Variants in KCNK2 observed in about 807,000 individuals in gnomAD.
KCNK2 encodes the protein potassium two pore domain channel subfamily K member 2, also known as potassium channel subfamily K member 2.
A neutral mutation model predicts 40.5 loss-of-function variants in KCNK2; 21 were observed. The ratio of observed to expected loss-of-function variants is 0.52; its 90% CI spans 0.37 to 0.75. The LOEUF (loss-of-function observed/expected upper bound fraction) is 0.75, where lower values mean the gene tolerates loss of function less well. KCNK2 is among the 30% of genes least tolerant of loss of function. The pLI is 0.00. For synonymous variants in KCNK2, 191 were observed against 202.2 expected (o/e 0.94, Z 0.47); for missense variants, 399 against 531.6 (o/e 0.75, Z 2.45).
chr1:215,026,229 T>C (rs1417946725), intron 1 of KCNK2, among the ~76,000 whole-genome samples: 1 of 152,024 alleles, frequency 6.6e-6, no homozygotes, highest in Non-Finnish European at 1.5e-5. Flanking sequence ...TAAAGCTCTC[T>C]TCATATAATT....
chr1:215,086,702 A>C, intron 2 of KCNK2, 24 bp downstream of exon 2: 1 of 1,593,798 alleles, frequency 6.3e-7, no homozygotes, highest in South Asian at 1.1e-5. Flanking sequence ...AGGAGTTGTT[A>C]CTCTGTTCCC....
chr1:215,035,000 AC>A (rs1657334787), intron 1 of KCNK2, among the ~76,000 whole-genome samples: 1 of 152,022 alleles, frequency 6.6e-6, no homozygotes, highest in South Asian at 2.1e-4. Flanking sequence ...GGCTTCCATT[AC>A]CTACAATTTA....
At chr1:215,034,131 A>C (rs1657301470) in intron 1 of KCNK2, among the ~76,000 whole-genome samples, 1 of 152,184 alleles carries the variant, frequency 6.6e-6, no homozygotes. Flanking sequence ...TGATGGATCT[A>C]AAAAGAGTTG....
At chr1:215,069,250 G>A (rs767258635) in intron 1 of KCNK2, among the ~76,000 whole-genome samples, 14 of 152,232 alleles carry the variant, frequency 9.2e-5, no homozygotes, top group South Asian at 2.1e-4. Context: ...TTTGTTGGCC[G>A]CATCCTGGTA....
intron 6 of KCNK2, among the ~76,000 whole-genome samples, chr1:215,195,522 T>G (rs1416802916): frequency 1.3e-5 from 2 of 152,110 alleles, no homozygotes; most frequent in Non-Finnish European, 2.9e-5. Context: ...TAACTTATTT[T>G]ATTTTTCTTA....
intron 3 of KCNK2, among the ~76,000 whole-genome samples, chr1:215,157,227 T>G (rs1044339866): frequency 6.6e-6 from 1 of 152,186 alleles, no homozygotes; most frequent in Admixed American, 6.5e-5. Flanking sequence ...ACCATTATAC[T>G]GAGCTTTAAG....
chr1:215,208,507 A>G (rs1268912715), intron 6 of KCNK2, among the ~76,000 whole-genome samples: 1 of 152,174 alleles, frequency 6.6e-6, no homozygotes, highest in Non-Finnish European at 1.5e-5. Flanking sequence ...TCCTAAAATA[A>G]AAGTTTAAAA....
intron 2 of KCNK2, among the ~76,000 whole-genome samples, chr1:215,099,080 T>TG (rs1468633170): frequency 6.6e-6 from 1 of 151,970 alleles, no homozygotes; most frequent in Non-Finnish European, 1.5e-5. Flanking sequence ...ACTTACATCA[T>TG]GGGTGTTTGT....
At chr1:215,114,339 G>C (rs1660829325) in intron 2 of KCNK2, among the ~76,000 whole-genome samples, 1 of 152,136 alleles carries the variant, frequency 6.6e-6, no homozygotes, top group South Asian at 2.1e-4. Context: ...GATGGTTGTG[G>C]TGTGACACTC....
chr1:215,144,500 G>A (rs866648102), intron 3 of KCNK2, among the ~76,000 whole-genome samples: 1 of 152,028 alleles, frequency 6.6e-6, no homozygotes, highest in African/African-American at 2.4e-5. Context: ...GTCAAGGCAC[G>A]GCTCGTTCCT....
chr1:215,083,513 C>T (rs1450612665), intron 1 of KCNK2, 82 bp downstream of exon 1: 13 of 994,512 alleles, frequency 1.3e-5, no homozygotes, highest in Admixed American at 1.7e-5. Flanking sequence ...CTGCAAATGC[C>T]CCCTCTCAGC....
intron 3 of KCNK2, among the ~76,000 whole-genome samples, chr1:215,133,039 T>G (rs1287901647): frequency 1.3e-5 from 2 of 152,102 alleles, no homozygotes; most frequent in African/African-American, 4.8e-5. Flanking sequence ...TTGTTTTGGG[T>G]TTTTTTGTTT....
chr1:215,231,771 T>G (rs796663496), intron 6 of KCNK2, among the ~76,000 whole-genome samples: 4 of 152,212 alleles, frequency 2.6e-5, no homozygotes, highest in African/African-American at 9.6e-5. Context: ...AAGAAAGAGA[T>G]TTAATGGACT....
chr1:215,153,578 ATAT>A (rs967567174), intron 3 of KCNK2, among the ~76,000 whole-genome samples: 33 of 143,440 alleles, frequency 2.3e-4, no homozygotes, highest in Non-Finnish European at 3.6e-4. Flanking sequence ...ATATATATAT[ATAT>A]TTTTTTTTCT....
chr1:215,181,755 G>A, intron 5 of KCNK2, among the ~76,000 whole-genome samples: 1 of 152,178 alleles, frequency 6.6e-6, no homozygotes, highest in East Asian at 1.9e-4. Context: ...AGTGAGGCTG[G>A]GTATGTACTT....
In KCNK2 at chr1:215,236,203, G is replaced by A. The variant is rs1244229070; in HGVS notation, c.*1058G>A. On this transcript the variant is annotated 3_prime_UTR_variant, in exon 7 of 7. Transcript: ENST00000444842. ...GATGGAAAGAAAATAGCAAAACAAT[G>A]TGTTACAAGTATTTGCTAATAAACA... The A allele has an allele frequency of 6.6e-6, 1 of 152,180 alleles. No homozygotes were observed. Among genetic ancestry groups the A allele is most frequent in the African/African-American group, 2.4e-5 (1 of 41,404 alleles). 9.4% of individuals were successfully genotyped at this position (152,180 alleles called of 1,614,324 possible). A position where few individuals can be genotyped will look rare whatever the true frequency, so the allele number is the denominator to read the frequency against.
intron 2 of KCNK2, 32 bp from the exon 3 acceptor site, chr1:215,124,601 G>A (rs747128584): frequency 8.1e-7 from 1 of 1,239,028 alleles, no homozygotes; most frequent in Non-Finnish European, 1.2e-6. Flanking sequence ...TGTGATTCAT[G>A]TGTACTGATA....
At chr1:215,221,454 A>AT (rs1666172312) in intron 6 of KCNK2, among the ~76,000 whole-genome samples, 1 of 152,240 alleles carries the variant, frequency 6.6e-6, no homozygotes, top group Non-Finnish European at 1.5e-5. Flanking sequence ...AGCCTTACTG[A>AT]TAACAGTCAA....
At chr1:215,192,195 T>G (rs1298433570) in intron 5 of KCNK2, among the ~76,000 whole-genome samples, 1 of 152,232 alleles carries the variant, frequency 6.6e-6, no homozygotes, top group Admixed American at 6.5e-5. Flanking sequence ...TGAAAATTAA[T>G]TCATGAATCT....
Sources: gnomAD v4.1 joint callset for allele counts (sites outside exome capture counted in the v4.1 genomes callset) on GRCh38, gnomAD v4.1.1 for gene constraint, MANE v1.5 for transcripts, NCBI Gene and HGNC (gene_info 2026-07-23, HGNC 2026-07-21) for gene names.